The following NRXN2 variants were observed in gnomAD, a reference collection of about 807,000 sequenced individuals.
NRXN2 encodes the protein neurexin-2-beta.
NRXN2 carries 29 observed loss-of-function variants against 128.8 expected under a neutral mutation model. That is an observed-to-expected ratio of 0.23 (90% confidence interval 0.17 to 0.31). NRXN2 has a LOEUF of 0.31. Among genes scored for constraint, NRXN2 ranks in the 10% least tolerant of loss-of-function variants. The probability of loss-of-function intolerance (pLI) is 1.00; values close to 1 mark genes in which losing one functional copy is unlikely to be tolerated. For synonymous variants in NRXN2, 1,098 were observed against 1,075.2 expected (o/e 1.02, Z -0.41); for missense variants, 1,881 against 2,452.6 (o/e 0.77, Z 4.92).
intron 2 of NRXN2, among the ~76,000 whole-genome samples, chr11:64,708,959 A>G (rs896508990): frequency 1.2e-4 from 18 of 152,296 alleles, no homozygotes; most frequent in Admixed American, 1.3e-4. Flanking sequence ...TGAGAGGCCA[A>G]TGCGGGCGGA....
chr11:64,643,340 G>A, intron 17 of NRXN2: 1 of 573,474 alleles, frequency 1.7e-6, no homozygotes. Flanking sequence ...GAGGCCGGGG[G>A]AAAGGAGGGA....
At chr11:64,712,603 GCAGACCCCCA>G (rs2057038973) in intron 2 of NRXN2, 2 of 390,402 alleles carry the variant, frequency 5.1e-6, no homozygotes, top group Middle Eastern at 3.6e-4. Flanking sequence ...CCCTGTCCAC[GCAGACCCCCA>G]CCCACAAGCC....
chr11:64,648,266 G>A lies in NRXN2; in HGVS notation c.3356C>T (p.Thr1119Ile). 2.5e-6 allele frequency: 4 copies of A among 1,614,200 alleles called. No individual in the cohort carries two copies. Among genetic ancestry groups the A allele is most frequent in the Non-Finnish European group, 3.4e-6 (4 of 1,180,026 alleles). ...GVCLQQWDGFTCDCTMTSYGG... is the reference protein window; with the variant it reads ...GVCLQQWDGFICDCTMTSYGG... ...ATAGGAAGTCATGGTGCAGTCGCAG[G>A]TGAAGCCATCCCACTGCTGCAAGCA... Residue 1119 changes from threonine to isoleucine, a missense_variant, in exon 17 of 23, where the codon ACC becomes ATC. Transcript: ENST00000265459. The surrounding 1 kb of genome is among the most constrained non-coding windows in gnomAD (Gnocchi z 4.1).
At chr11:64,719,153 G>A (rs187157326) in intron 1 of NRXN2, among the ~76,000 whole-genome samples, 5 of 152,030 alleles carry the variant, frequency 3.3e-5, no homozygotes, top group Admixed American at 6.5e-5. Context: ...TTCTCATCTC[G>A]GCCTTTTACA....
chr11:64,693,870 C>A (rs997958557), intron 3 of NRXN2, among the ~76,000 whole-genome samples: 4 of 152,152 alleles, frequency 2.6e-5, no homozygotes, highest in African/African-American at 9.7e-5. Context: ...TACAGACCCC[C>A]TTTCTCTGAC....
At chr11:64,687,126 G>C (rs540707696) in intron 5 of NRXN2, among the ~76,000 whole-genome samples, 27 of 152,348 alleles carry the variant, frequency 1.8e-4, no homozygotes, top group African/African-American at 5.8e-4. Context: ...AACAACACTG[G>C]CCGTGAGGGT....
At position 64,667,545 on chromosome 11, in the gene NRXN2, C is replaced by G. The variant is rs1296960594; in HGVS notation, c.1503G>C (p.Glu501Asp). The change falls in exon 9 of 23, where the codon GAG becomes GAC. Residue 501 changes from glutamate to aspartate, a missense_variant. Around this residue, in one of 7 missense-constraint regions of NRXN2, gnomAD observed 997 missense variants for 1,240.8 expected, o/e 0.80. Transcript: ENST00000265459. This position sits in a 1 kb window ranked among gnomAD's most constrained non-coding sequence, Gnocchi z 5.6. ...TCCAGCGGGGCAGCGCCACAAAGGC[C>G]TCGGGACTCTCAAAGGTCACAGGGT... is the stretch of plus-strand genomic sequence containing the variant. ...ALDPVTFESP[E>D]AFVALPRWSA... 5.0e-6 allele frequency: 8 copies of G among 1,614,190 alleles called. No homozygotes were observed. The East Asian group carries it at 1.8e-4, about 36-fold the overall frequency.
intron 19 of NRXN2, among the ~76,000 whole-genome samples, chr11:64,629,885 A>T (rs1265045104): frequency 6.6e-6 from 1 of 151,918 alleles, no homozygotes; most frequent in Non-Finnish European, 1.5e-5. Context: ...TTCCTTCGTT[A>T]GATCTCCTAA....
At chr11:64,677,330 C>T (rs2135540470) in intron 6 of NRXN2, among the ~76,000 whole-genome samples, 1 of 151,826 alleles carries the variant, frequency 6.6e-6, no homozygotes, top group Non-Finnish European at 1.5e-5. Flanking sequence ...CCCCGCCCCT[C>T]CTCTGGATTC....
At position 64,679,595 on chromosome 11, in the gene NRXN2, C is replaced by A. The variant is rs56946751; in HGVS notation, c.1153-2558G>T. Among the ~76,000 whole-genome samples the A allele has an allele frequency of 6.3e-3, 954 of 152,182 alleles. 8 individuals carry two copies. Among genetic ancestry groups the A allele is most frequent in the African/African-American group, 0.022 (910 of 41,508 alleles). ...GAGCTTGCAGTGAGCCAAGATCACA[C>A]CACTGCACTCCAGCCTGGGTGACAG... On this transcript the variant is annotated intron_variant, in intron 6 of 22. Coordinates refer to ENST00000265459, the MANE Select transcript of NRXN2 (RefSeq NM_015080.4).
chr11:64,680,028 C>A (rs1368636536), intron 6 of NRXN2, among the ~76,000 whole-genome samples: 2 of 152,100 alleles, frequency 1.3e-5, no homozygotes, highest in African/African-American at 2.4e-5. Flanking sequence ...AGCCTGGGAG[C>A]ACAAGCATGA....
rs1265312936 is a variant in NRXN2 at position 64,713,623 on chromosome 11, G to A, written c.77C>T (p.Ala26Val). ...GCCGCCGCCGAACTCCAGGCCGTCC[G>A]CGCGCGCCGCCAGCGCCAGCAGCAG... is the stretch of plus-strand genomic sequence containing the variant. ...LLLLLALAAR[A>V]DGLEFGGGPG... is the part of the protein sequence containing the mutation. Residue 26 changes from alanine to valine, a missense_variant, in exon 2 of 23, where the codon GCG becomes GTG. By Grantham distance (64) the Ala-to-Val change is moderately conservative. Around this residue, in one of 7 missense-constraint regions of NRXN2, gnomAD observed 997 missense variants for 1,240.8 expected, o/e 0.80. Transcript: ENST00000265459. The A allele has an allele frequency of 1.6e-6, 2 of 1,258,878 alleles. No individual in the cohort carries two copies. Among genetic ancestry groups the A allele is most frequent in the Non-Finnish European group, 2.0e-6 (2 of 998,384 alleles). 78.0% of individuals were successfully genotyped at this position (1,258,878 alleles called of 1,614,324 possible).
chr11:64,702,899 G>A (rs1460712755), intron 2 of NRXN2, among the ~76,000 whole-genome samples: 1 of 147,848 alleles, frequency 6.8e-6, no homozygotes, highest in Non-Finnish European at 1.5e-5. Flanking sequence ...TTGAAATAGA[G>A]GATCATTTGA....
intron 2 of NRXN2, among the ~76,000 whole-genome samples, chr11:64,702,971 TAAAAA>T (rs557268486): frequency 7.8e-5 from 4 of 51,160 alleles, no homozygotes. Context: ...CCCAGGTCTC[TAAAAA>T]AAAAAAAAAA....
chr11:64,720,970 C>A (rs2057418510), intron 1 of NRXN2, among the ~76,000 whole-genome samples: 1 of 151,978 alleles, frequency 6.6e-6, no homozygotes, highest in Non-Finnish European at 1.5e-5. Context: ...AGGGTGAGGG[C>A]TGGCAGTGCT....
chr11:64,661,453 CGAAATCTTGAGCTCG>C, intron 9 of NRXN2: 1 of 1,240,704 alleles, frequency 8.1e-7, no homozygotes, highest in Non-Finnish European at 1.0e-6. Context: ...GTGGGCATGC[CGAAATCTTGAGCTCG>C]GAAAGGGTTG....
intron 2 of NRXN2, among the ~76,000 whole-genome samples, chr11:64,699,407 T>C (rs2054981281): frequency 6.7e-6 from 1 of 148,358 alleles, no homozygotes; most frequent in South Asian, 2.2e-4. Context: ...ACCTAAAAGA[T>C]ACATGTCTAA....
chr11:64,638,622 A>T (rs2045188744), intron 17 of NRXN2, among the ~76,000 whole-genome samples: 1 of 152,242 alleles, frequency 6.6e-6, no homozygotes, highest in Admixed American at 6.5e-5. Context: ...GGCTCCAGAA[A>T]GGGTCTGAAA....
chr11:64,661,483 A>G, intron 9 of NRXN2: 1 of 982,506 alleles, frequency 1.0e-6, no homozygotes, highest in Non-Finnish European at 1.3e-6. Flanking sequence ...GGGTTGGATC[A>G]TTCACTGGGT....
Sources: allele counts gnomAD v4.1 joint callset (sites outside exome capture counted in the v4.1 genomes callset), GRCh38; gene constraint gnomAD v4.1.1; regional missense constraint gnomAD v4.1.1; non-coding constraint Gnocchi (gnomAD v3.1); transcripts MANE v1.5; gene names NCBI Gene and HGNC (gene_info 2026-07-23, HGNC 2026-07-21).